Variants in GALNT13 observed in about 807,000 individuals in gnomAD.
GALNT13 encodes UDP-GalNAc:polypeptide N-acetylgalactosaminyltransferase 13.
Under a neutral mutation model 64.2 loss-of-function variants are expected in GALNT13, and 28 were observed. That is an observed-to-expected ratio of 0.44 (90% CI 0.32 to 0.60). The LOEUF (loss-of-function observed/expected upper bound fraction) is 0.60. GALNT13 is among the 20% of genes least tolerant of loss of function. The pLI is 0.05. For synonymous variants in GALNT13, 214 were observed against 224.6 expected (o/e 0.95, Z 0.42); for missense variants, 577 against 669.8 (o/e 0.86, Z 1.53).
chr2:154,159,369 A>G (rs1684605493), intron 4 of GALNT13, among the ~76,000 whole-genome samples: 1 of 152,032 alleles, frequency 6.6e-6, no homozygotes, highest in Non-Finnish European at 1.5e-5. Flanking sequence ...TCCTGACCTC[A>G]AGTGATCCAC....
rs369156669 is a variant in GALNT13 at position 154,357,541 on chromosome 2, A to G, written c.1157-38450A>G. 1.4e-4 allele frequency among the ~76,000 whole-genome samples: 22 copies of G among 152,200 alleles called. No homozygotes were observed. The South Asian group carries it at 4.4e-3, about 30-fold the overall frequency. ...TAGCTGAGTTTAGTCACTAGCAGGT[A>G]GTAATCATGAGCCATTGTGCATAGT... On this transcript the variant is annotated intron_variant, in intron 9 of 12. Coordinates refer to ENST00000392825, the MANE Select transcript of GALNT13 (RefSeq NM_052917.4).
chr2:153,692,958 G>A, the GALNT13 span, among the ~76,000 whole-genome samples: 1 of 152,156 alleles, frequency 6.6e-6, no homozygotes, highest in African/African-American at 2.4e-5. Flanking sequence ...ACTTCCAAAT[G>A]AAAACCAATA....
intron 3 of GALNT13, among the ~76,000 whole-genome samples, chr2:154,010,978 G>A (rs1255768267): frequency 6.6e-6 from 1 of 151,266 alleles, no homozygotes; most frequent in Non-Finnish European, 1.5e-5. Flanking sequence ...GTGTTTATTT[G>A]GATCTTCTCT....
rs192506842 is a variant in GALNT13, at chr2:154,045,635, G to T, written c.143-94702G>T. On this transcript the variant is annotated intron_variant, in intron 3 of 12. Coordinates refer to ENST00000392825, the MANE Select transcript of GALNT13 (RefSeq NM_052917.4). ...AGATGGGAGAAAAGCATGTCCTGTA[G>T]TTATAATGCTGCTTTTTCCTAGGCA... Among the ~76,000 whole-genome samples, 5 of 152,322 alleles carry T rather than the reference G, an allele frequency of 3.3e-5. No homozygotes were observed. The East Asian group carries it at 9.7e-4, about 29-fold the overall frequency.
In GALNT13 at chr2:154,298,636, T is replaced by TTTATATATACAATGTATATATAAA. The variant is rs1559075782; in HGVS notation, c.976-2762_976-2761insATGTATATATAAATTATATATACA. On this transcript the variant is annotated intron_variant, in intron 8 of 12. Coordinates refer to ENST00000392825, the MANE Select transcript of GALNT13 (RefSeq NM_052917.4). Reference sequence around the variant, plus strand: ...ATTTATATATACATTGTATATATAATTTATATATACATTGTATATACAATT... The same window carrying TTTATATATACAATGTATATATAAA: ...ATTTATATATACATTGTATATATAATTTATATATACAATGTATATATAAATTATATATACATTGTATATACAATT... Among the ~76,000 whole-genome samples the TTTATATATACAATGTATATATAAA allele has an allele frequency of 5.2e-4, 7 of 13,370 alleles. 1 individual carries two copies. In the East Asian group the frequency reaches 8.8e-3, roughly 17 times the overall value. The allele number at this position is 13,370 out of a possible 152,430, so 8.8% of individuals were successfully genotyped here. A position where few individuals can be genotyped will look rare whatever the true frequency, so the allele number is the denominator to read the frequency against.
the GALNT13 span, among the ~76,000 whole-genome samples, chr2:153,705,746 C>T: frequency 6.6e-6 from 1 of 152,172 alleles, no homozygotes; most frequent in East Asian, 1.9e-4. Flanking sequence ...ATGTTCCAGA[C>T]AATCCACAAT....
the GALNT13 span, among the ~76,000 whole-genome samples, chr2:153,100,291 A>G: frequency 6.6e-6 from 1 of 152,242 alleles, no homozygotes; most frequent in African/African-American, 2.4e-5. Context: ...TAATGAGCAC[A>G]TGCCATAAAT....
chr2:153,529,872 T>C, the GALNT13 span, among the ~76,000 whole-genome samples: 1 of 151,922 alleles, frequency 6.6e-6, no homozygotes, highest in South Asian at 2.1e-4. Flanking sequence ...GATAAAACCC[T>C]TCAAACTAGG....
chr2:153,872,982 G>A (rs1272798398), intron 1 of GALNT13, among the ~76,000 whole-genome samples: 1 of 151,974 alleles, frequency 6.6e-6, no homozygotes, highest in Non-Finnish European at 1.5e-5. Context: ...TCTTTCTTGG[G>A]ATATCTGTGT....
At chr2:153,913,076 G>A (rs1689067423) in intron 2 of GALNT13, among the ~76,000 whole-genome samples, 1 of 152,164 alleles carries the variant, frequency 6.6e-6, no homozygotes, top group African/African-American at 2.4e-5. Context: ...TAGCATGGTG[G>A]TGGGGGTGCT....
At chr2:153,351,517 C>T in the GALNT13 span, among the ~76,000 whole-genome samples, 1 of 152,192 alleles carries the variant, frequency 6.6e-6, no homozygotes, top group Non-Finnish European at 1.5e-5. Flanking sequence ...TGGTGTTGTA[C>T]AGCCTATGGA....
the GALNT13 span, among the ~76,000 whole-genome samples, chr2:153,241,667 G>A: frequency 6.6e-6 from 1 of 151,730 alleles, no homozygotes. Context: ...ATGTGTATGT[G>A]TGTGTGTGTG....
chr2:154,380,810 A>G lies in GALNT13; in HGVS notation c.1157-15181A>G, dbSNP rs577935420. On this transcript the variant is annotated intron_variant, in intron 9 of 12. Coordinates refer to ENST00000392825, the MANE Select transcript of GALNT13 (RefSeq NM_052917.4). ...AATTAATGTGTTGATGGGGGCTGCA[A>G]TCTCATCTCATGGCTCAACTGGGGA... 7.2e-5 allele frequency among the ~76,000 whole-genome samples: 11 copies of G among 152,082 alleles called. No homozygotes were observed. In the East Asian group the frequency reaches 2.1e-3, roughly 30 times the overall value.
At chr2:153,072,685 A>G in the GALNT13 span, among the ~76,000 whole-genome samples, 2 of 151,966 alleles carry the variant, frequency 1.3e-5, no homozygotes, top group East Asian at 1.9e-4. Flanking sequence ...ACCTCTCATT[A>G]TTCTCCTTTG....
the GALNT13 span, among the ~76,000 whole-genome samples, chr2:153,097,142 C>G: frequency 1.3e-5 from 2 of 152,014 alleles, no homozygotes; most frequent in African/African-American, 4.8e-5. Context: ...AAAAGGAAAA[C>G]TAATAAAAAC....
chr2:153,520,475 T>A, the GALNT13 span, among the ~76,000 whole-genome samples: 1 of 152,172 alleles, frequency 6.6e-6, no homozygotes, highest in Non-Finnish European at 1.5e-5. Flanking sequence ...ATCTAAAGAT[T>A]TATTCAAAAA....
chr2:154,380,126 C>T (rs1052995580), intron 9 of GALNT13, among the ~76,000 whole-genome samples: 4 of 151,908 alleles, frequency 2.6e-5, no homozygotes, highest in Admixed American at 6.6e-5. Flanking sequence ...GTTTTTGACA[C>T]GAGTTAACAT....
At chr2:154,095,304 T>G (rs935092388) in intron 3 of GALNT13, among the ~76,000 whole-genome samples, 1 of 151,882 alleles carries the variant, frequency 6.6e-6, no homozygotes, top group African/African-American at 2.4e-5. Context: ...ACTGGAATTA[T>G]TAGATCTGCT....
chr2:153,395,871 T>A, the GALNT13 span, among the ~76,000 whole-genome samples: 1 of 152,058 alleles, frequency 6.6e-6, no homozygotes, highest in Non-Finnish European at 1.5e-5. Flanking sequence ...ATTACTGGGT[T>A]AAGGGAGATT....
Sources: gnomAD v4.1 joint callset for allele counts (sites outside exome capture counted in the v4.1 genomes callset) on GRCh38, gnomAD v4.1.1 for gene constraint, MANE v1.5 for transcripts, NCBI Gene and HGNC (gene_info 2026-07-23, HGNC 2026-07-21) for gene names.